ELOVL7: variants seen among roughly 807,000 people sequenced by gnomAD.
The protein encoded by ELOVL7 is very long chain fatty acid elongase 7.
ELOVL7 carries 27 observed loss-of-function variants against 35.7 expected under a neutral mutation model. The observed-to-expected ratio is 0.76, with a 90% CI of 0.56 to 1.04. The LOEUF (loss-of-function observed/expected upper bound fraction) is 1.04, where lower values mean the gene tolerates loss of function less well. Ranked by LOEUF, ELOVL7 falls within the 50% of genes least tolerant of loss-of-function variation. The probability of loss-of-function intolerance (pLI) is 0.00; values close to 1 mark genes in which losing one functional copy is unlikely to be tolerated. For synonymous variants in ELOVL7, 113 were observed against 114.6 expected, an observed-to-expected ratio of 0.99 and a Z score of 0.09; for missense variants, 327 against 340.8, an observed-to-expected ratio of 0.96 and a Z score of 0.32.
At chr5:60,794,457 G>A (rs1301940339) in intron 2 of ELOVL7, among the ~76,000 whole-genome samples, 1 of 152,182 alleles carries the variant, frequency 6.6e-6, no homozygotes, top group Non-Finnish European at 1.5e-5. Context: ...GCAGAACTCT[G>A]GGAGAGCATC....
intron 1 of ELOVL7, among the ~76,000 whole-genome samples, chr5:60,800,314 A>T (rs1327364157): frequency 6.6e-6 from 1 of 152,238 alleles, no homozygotes; most frequent in Non-Finnish European, 1.5e-5. Context: ...CCTAGGATAC[A>T]AGGATGGTTC....
At chr5:60,836,741 T>G (rs1361077727) in intron 1 of ELOVL7, among the ~76,000 whole-genome samples, 1 of 151,952 alleles carries the variant, frequency 6.6e-6, no homozygotes, top group Non-Finnish European at 1.5e-5. Flanking sequence ...CCCAAAAATT[T>G]GGGACAGAAA....
chr5:60,802,093 TATATATATATATATATATATATATAC>T lies in ELOVL7; in HGVS notation c.-85-2889_-85-2864del, dbSNP rs1240446425. ...ATATATATATATATATATATATATATATATATATATATATATATATATATACACACACACACACACACATATATCCT... is the reference window on the plus strand; with the variant it reads ...ATATATATATATATATATATATATATACACACACACACACACATATATCCT... On this transcript the variant is annotated intron_variant, in intron 1 of 8. Coordinates refer to ENST00000508821, the MANE Select transcript of ELOVL7 (RefSeq NM_024930.3). Among the ~76,000 whole-genome samples the T allele has an allele frequency of 3.1e-3, 43 of 14,010 alleles. 1 individual carries two copies. Among genetic ancestry groups the T allele is most frequent in the East Asian group, 9.1e-3 (1 of 110 alleles). 9.2% of individuals were successfully genotyped at this position (14,010 alleles called of 152,430 possible).
intron 1 of ELOVL7, among the ~76,000 whole-genome samples, chr5:60,825,096 A>C (rs1486224478): frequency 1.3e-5 from 2 of 151,834 alleles, no homozygotes; most frequent in African/African-American, 4.8e-5. Context: ...CCTGGGACTA[A>C]AGGCACACAC....
intron 4 of ELOVL7, 56 bp downstream of exon 4, chr5:60,771,847 C>G: frequency 8.0e-7 from 1 of 1,256,840 alleles, no homozygotes; most frequent in Non-Finnish European, 1.1e-6. Context: ...CATAATGACA[C>G]ATAAACAGAA....
At chr5:60,767,977 T>A in intron 4 of ELOVL7, 74 bp from the exon 5 acceptor site, 2 of 1,130,174 alleles carry the variant, frequency 1.8e-6, no homozygotes, top group Non-Finnish European at 2.7e-6. Context: ...GTTTTGATAG[T>A]GTCTCTTCAT....
Position 60,805,631 on chromosome 5 carries a change from G to A in ELOVL7, c.-85-6401C>T, listed in dbSNP as rs75836319. Among the ~76,000 whole-genome samples, 403 of 152,224 alleles carry A rather than the reference G, an allele frequency of 2.6e-3. 2 individuals are homozygous for A. Among genetic ancestry groups the A allele is most frequent in the Non-Finnish European group, 4.3e-3 (291 of 67,990 alleles). ...GCAATTACACACTATTGCATCTATT[G>A]GGAAGGATCCAGCATAAGCCAGTAT... On this transcript the variant is annotated intron_variant, in intron 1 of 8. Coordinates refer to ENST00000508821, the MANE Select transcript of ELOVL7 (RefSeq NM_024930.3).
At position 60,838,513 on chromosome 5, in the gene ELOVL7, G is replaced by C. The variant is rs193150415; in HGVS notation, c.-86+5647C>G. Among the ~76,000 whole-genome samples the C allele has an allele frequency of 4.7e-3, 715 of 152,276 alleles. 4 individuals are homozygous for C. Among genetic ancestry groups the C allele is most frequent in the African/African-American group, 0.017 (689 of 41,544 alleles). On this transcript the variant is annotated intron_variant, in intron 1 of 8. Coordinates refer to ENST00000508821, the MANE Select transcript of ELOVL7 (RefSeq NM_024930.3). ...TGCCAGCCCCTTTGCCTGACACAAA[G>C]CTAACACTCAAATGTTTGTTGAGTG...
chr5:60,764,428 T>C, intron 6 of ELOVL7, 96 bp from the exon 7 acceptor site: 1 of 935,074 alleles, frequency 1.1e-6, no homozygotes, highest in Non-Finnish European at 1.7e-6. Context: ...GTATTTCATA[T>C]CATAATTTCC....
In ELOVL7 at chr5:60,786,937, C is replaced by T. The variant is rs138570928; in HGVS notation, c.64+397G>A. ...TTGCACCACTGCACTCCAGCTTGGGCGACAGAGTGAGACTCTGTCTTAAAA... is the reference window on the plus strand; with the variant it reads ...TTGCACCACTGCACTCCAGCTTGGGTGACAGAGTGAGACTCTGTCTTAAAA... On this transcript the variant is annotated intron_variant, in intron 3 of 8. Coordinates refer to ENST00000508821, the MANE Select transcript of ELOVL7 (RefSeq NM_024930.3). Among the ~76,000 whole-genome samples, 242 of 149,636 alleles carry T rather than the reference C, an allele frequency of 1.6e-3. 1 individual carries two copies. The highest frequency in any genetic ancestry group is 5.8e-3 in the African/African-American group (234 of 40,534).
chr5:60,758,168 C>A (rs778096674), intron 7 of ELOVL7, among the ~76,000 whole-genome samples: 58 of 152,264 alleles, frequency 3.8e-4, no homozygotes, highest in Admixed American at 1.8e-3. Flanking sequence ...TTATTACCAA[C>A]TATTACTTTT....
At position 60,772,000 on chromosome 5, in the gene ELOVL7, G is replaced by A. The variant is rs1315485074; in HGVS notation, c.158C>T (p.Pro53Leu). 6.2e-7 allele frequency: 1 copy of A among 1,613,532 alleles called. No homozygotes were observed. Among genetic ancestry groups the A allele is most frequent in the African/African-American group, 1.3e-5 (1 of 74,882 alleles). ...FYVYFVTSLG[P>L]KLMENRKPFE... ...GGGCTTGCGATTTTCCATGAGCTTT[G>A]GTCCCAAGGAAGTGACAAAATAGAC... Residue 53 changes from proline to leucine, a missense_variant, in exon 4 of 9, where the codon CCA becomes CTA. Coordinates refer to ENST00000508821, the MANE Select transcript of ELOVL7 (RefSeq NM_024930.3).
intron 1 of ELOVL7, among the ~76,000 whole-genome samples, chr5:60,809,614 T>C (rs1745133187): frequency 6.6e-6 from 1 of 152,202 alleles, no homozygotes; most frequent in Non-Finnish European, 1.5e-5. Flanking sequence ...GACAGATTTA[T>C]TTCAAGGACA....
At position 60,821,057 on chromosome 5, in the gene ELOVL7, C is replaced by T. The variant is rs530952349; in HGVS notation, c.-85-21827G>A. Among the ~76,000 whole-genome samples the T allele has an allele frequency of 3.2e-4, 48 of 152,198 alleles. 2 individuals carry two copies. Among genetic ancestry groups the T allele is most frequent in the Admixed American group, 2.5e-3 (38 of 15,294 alleles). On this transcript the variant is annotated intron_variant, in intron 1 of 8. Coordinates refer to ENST00000508821, the MANE Select transcript of ELOVL7 (RefSeq NM_024930.3). ...TTATAATTACTGCCTAGTTCACTTC[C>T]GTCTTTGTGTGGCCAAGATTACTGA...
intron 3 of ELOVL7, among the ~76,000 whole-genome samples, chr5:60,780,344 T>C (rs1242252914): frequency 6.6e-6 from 1 of 152,084 alleles, no homozygotes; most frequent in Non-Finnish European, 1.5e-5. Flanking sequence ...GGTTGCGAAC[T>C]CCCGACCTCA....
In ELOVL7 at chr5:60,805,068, T is replaced by C. The variant is rs568265021; in HGVS notation, c.-85-5838A>G. The stretch of plus-strand genomic sequence containing the variant: ...GTCACATCTGTATCCACATGTGACC[T>C]AGAAGAAAGGCATAATGGAGGAAAG... On this transcript the variant is annotated intron_variant, in intron 1 of 8. Transcript: ENST00000508821. Among the ~76,000 whole-genome samples the C allele has an allele frequency of 2.0e-5, 3 of 152,310 alleles. No individual in the cohort carries two copies. The East Asian group carries it at 5.8e-4, about 29-fold the overall frequency.
At chr5:60,759,449 G>C (rs1741747362) in intron 7 of ELOVL7, among the ~76,000 whole-genome samples, 1 of 152,040 alleles carries the variant, frequency 6.6e-6, no homozygotes, top group Non-Finnish European at 1.5e-5. Flanking sequence ...GAGGAGTCAA[G>C]GTGCTTAAAA....
At chr5:60,788,474 A>G (rs558686813) in intron 2 of ELOVL7, among the ~76,000 whole-genome samples, 2 of 152,288 alleles carry the variant, frequency 1.3e-5, no homozygotes, top group Admixed American at 1.3e-4. Context: ...GGTATATTTT[A>G]CCATGATTTT....
intron 3 of ELOVL7, among the ~76,000 whole-genome samples, chr5:60,783,903 C>T (rs1743408534): frequency 6.6e-6 from 1 of 152,060 alleles, no homozygotes; most frequent in Non-Finnish European, 1.5e-5. Context: ...GTTTCATGTA[C>T]CTTCTTTTTG....
Sources: allele counts gnomAD v4.1 joint callset (sites outside exome capture counted in the v4.1 genomes callset), GRCh38; gene constraint gnomAD v4.1.1; transcripts MANE v1.5; gene names NCBI Gene and HGNC (gene_info 2026-07-23, HGNC 2026-07-21).